PCYT1B: variants seen among roughly 807,000 people sequenced by gnomAD.
PCYT1B encodes the protein choline-phosphate cytidylyltransferase B.
A neutral mutation model predicts 26.4 loss-of-function variants in PCYT1B; 10 were observed. The ratio of observed to expected loss-of-function variants is 0.38; its 90% CI spans 0.23 to 0.64. PCYT1B has a LOEUF of 0.64. PCYT1B is among the 30% of genes least tolerant of loss of function. PCYT1B has a pLI of 0.56. For synonymous variants in PCYT1B, 131 were observed against 108.4 expected (o/e 1.21, Z -1.29); for missense variants, 161 against 292.7 (o/e 0.55, Z 3.28).
chrX:24,580,581 G>T (rs1314175576), intron 5 of PCYT1B, among the ~76,000 whole-genome samples: 1 of 111,882 alleles, frequency 8.9e-6, no homozygotes, highest in African/African-American at 3.2e-5. Flanking sequence ...CACAGAGGAT[G>T]CCAAGTTCTA....
intron 7 of PCYT1B, among the ~76,000 whole-genome samples, chrX:24,566,319 T>C (rs61762687): frequency 0.012 from 1,387 of 112,323 alleles, 10 homozygotes; most frequent in Non-Finnish European, 0.019. Flanking sequence ...TCCAAGATGA[T>C]ATAATAAGCA....
chrX:24,570,361 C>G (rs940807930), intron 7 of PCYT1B, among the ~76,000 whole-genome samples: 3 of 107,890 alleles, frequency 2.8e-5, no homozygotes, highest in Non-Finnish European at 5.8e-5. Context: ...TCAAGTGATT[C>G]TCCTGCCTCA....
intron 1 of PCYT1B, among the ~76,000 whole-genome samples, chrX:24,656,229 C>CGGT (rs1555966019): frequency 2.3e-5 from 1 of 43,966 alleles, no homozygotes; most frequent in African/African-American, 9.0e-5. Context: ...CAGGGGGTCG[C>CGGT]GGGGGGGGGT....
intron 3 of PCYT1B, among the ~76,000 whole-genome samples, chrX:24,596,919 C>T (rs1924800590): frequency 9.0e-6 from 1 of 110,709 alleles, no homozygotes; most frequent in Admixed American, 9.7e-5. Context: ...ACATGTTGAC[C>T]ACACATACAG....
chrX:24,629,318 C>G (rs1019750755), intron 1 of PCYT1B, among the ~76,000 whole-genome samples: 1 of 109,818 alleles, frequency 9.1e-6, no homozygotes, highest in Admixed American at 9.9e-5. Flanking sequence ...GTAATCCCAG[C>G]TCGTTGGGAG....
At chrX:24,658,337 G>A (rs758552566) in intron 1 of PCYT1B, 1 of 110,674 alleles carries the variant, frequency 9.0e-6, no homozygotes, top group Non-Finnish European at 1.9e-5. Flanking sequence ...TGTTTTCTAC[G>A]GCTGCTGTAA....
intron 1 of PCYT1B, among the ~76,000 whole-genome samples, chrX:24,670,882 G>C (rs1247057687): frequency 9.0e-6 from 1 of 111,645 alleles, no homozygotes; most frequent in Non-Finnish European, 1.9e-5. Flanking sequence ...AGAATACGGA[G>C]TGATATTTGC....
chrX:24,646,702 G>C (rs1210139035), intron 1 of PCYT1B, among the ~76,000 whole-genome samples: 2 of 110,490 alleles, frequency 1.8e-5, no homozygotes, highest in Non-Finnish European at 3.8e-5. Context: ...CTTCAGACAA[G>C]AACACACCTA....
In PCYT1B at chrX:24,629,303, C is replaced by T. The variant is rs1042034876; in HGVS notation, c.118-10219G>A. 5.4e-5 allele frequency among the ~76,000 whole-genome samples: 6 copies of T among 110,110 alleles called. No individual in the cohort carries two copies. The South Asian group carries it at 1.2e-3, about 21-fold the overall frequency. ...TTTCCAGGCTGGGCTCAGTAGCTCA[C>T]GCTTGTAATCCCAGCTCGTTGGGAG... On this transcript the variant is annotated intron_variant, in intron 1 of 7. Coordinates refer to ENST00000379144, the MANE Select transcript of PCYT1B (RefSeq NM_004845.5).
At position 24,584,243 on chromosome X, in the gene PCYT1B, C is replaced by T. The variant is rs760472892; in HGVS notation, c.565+2998G>A. On this transcript the variant is annotated intron_variant, in intron 5 of 7. Transcript: ENST00000379144. ...ACTTGAGAGGCTGAGGTGGGAGGAT[C>T]GCCTGAGCCCAGGAGGTCGAGGTTG... is the stretch of plus-strand genomic sequence containing the variant. Among the ~76,000 whole-genome samples the T allele has an allele frequency of 3.2e-3, 355 of 111,609 alleles. 2 individuals are homozygous for T. Among genetic ancestry groups the T allele is most frequent in the African/African-American group, 0.011 (342 of 30,712 alleles).
intron 1 of PCYT1B, among the ~76,000 whole-genome samples, chrX:24,656,551 CT>C (rs1179469896): frequency 1.5e-3 from 87 of 56,629 alleles, no homozygotes; most frequent in African/African-American, 4.8e-3. Flanking sequence ...TCTTTTTTTC[CT>C]TTTTTTTTTT....
intron 1 of PCYT1B, among the ~76,000 whole-genome samples, chrX:24,660,012 G>A (rs1926995941): frequency 9.0e-6 from 1 of 111,707 alleles, no homozygotes; most frequent in African/African-American, 3.3e-5. Context: ...CTCAACCTTG[G>A]TTGTGCATTA....
chrX:24,562,429 G>C lies in PCYT1B; in HGVS notation c.974C>G (p.Thr325Ser). 5 of 1,201,123 alleles carry C rather than the reference G, an allele frequency of 4.2e-6. No individual in the cohort carries two copies. The highest frequency in any genetic ancestry group is 5.6e-6 in the Non-Finnish European group (5 of 890,789). The change falls in exon 8 of 8, where the codon ACC (threonine) becomes AGC (serine). Residue 325 changes from threonine (T) to serine (S), a missense_variant. Coordinates refer to ENST00000379144, the MANE Select transcript of PCYT1B (RefSeq NM_004845.5). ...GGAGCGGGAAGGGGACCGGCTCCGG[G>C]TTGGGCTGCTCACAGGGCTCTGCTT... Reference protein sequence around the residue: ...SPKQSPVSSPTRSRSPSRSPS... With the variant: ...SPKQSPVSSPSRSRSPSRSPS...
At chrX:24,651,472 A>AAAT (rs1555965467), upstream of PCYT1B, among the ~76,000 whole-genome samples, 9 of 26,049 alleles carry the variant, frequency 3.5e-4, no homozygotes, top group South Asian at 4.1e-3. Context: ...AAAAAAAAAA[A>AAAT]ATATATATAT....
At chrX:24,627,629 T>G (rs1205888031) in intron 1 of PCYT1B, among the ~76,000 whole-genome samples, 1 of 112,269 alleles carries the variant, frequency 8.9e-6, no homozygotes, top group Non-Finnish European at 1.9e-5. Flanking sequence ...ATGATAATGA[T>G]CTGACTTAGC....
chrX:24,603,665 G>A (rs1925035248), intron 3 of PCYT1B, among the ~76,000 whole-genome samples: 1 of 110,246 alleles, frequency 9.1e-6, no homozygotes, highest in Non-Finnish European at 1.9e-5. Flanking sequence ...TGAGGCTGCA[G>A]TGAGCTGTGA....
chrX:24,666,606 AGTGT>A (rs3859985), intron 1 of PCYT1B, among the ~76,000 whole-genome samples: 44,638 of 100,526 alleles, frequency 0.44, 7,614 homozygotes, highest in Non-Finnish European at 0.51. Flanking sequence ...TATGTGTGTG[AGTGT>A]GTGTGTGTGT....
chrX:24,669,015 C>T (rs889578960), intron 1 of PCYT1B, among the ~76,000 whole-genome samples: 2 of 111,247 alleles, frequency 1.8e-5, no homozygotes, highest in African/African-American at 3.3e-5. Context: ...TTGTGCTATG[C>T]AAATGAGGGG....
chrX:24,623,592 C>A (rs1409488250), intron 1 of PCYT1B, among the ~76,000 whole-genome samples: 1 of 109,799 alleles, frequency 9.1e-6, no homozygotes, highest in Admixed American at 9.8e-5. Context: ...TCAGTCATTA[C>A]AAGGTGAATA....
Sources: allele counts gnomAD v4.1 joint callset (sites outside exome capture counted in the v4.1 genomes callset), GRCh38; gene constraint gnomAD v4.1.1; transcripts MANE v1.5; gene names NCBI Gene and HGNC (gene_info 2026-07-23, HGNC 2026-07-21).